The following HS3ST2 variants were observed in gnomAD, a reference collection of about 807,000 sequenced individuals.
HS3ST2 encodes the protein heparan sulfate glucosamine 3-O-sulfotransferase 2.
A neutral mutation model predicts 26.3 loss-of-function variants in HS3ST2; 17 were observed. The observed-to-expected ratio is 0.65, with a 90% CI of 0.44 to 0.97. The LOEUF (loss-of-function observed/expected upper bound fraction) is 0.97, where lower values mean the gene tolerates loss of function less well. HS3ST2 is among the 50% of genes least tolerant of loss of function. HS3ST2 has a pLI of 0.00. For missense variants in HS3ST2, 402 were observed against 501.2 expected (o/e 0.80, Z 1.89); for synonymous variants, 237 against 219.2 (o/e 1.08, Z -0.72).
At position 22,914,163 on chromosome 16, in the gene HS3ST2, C is replaced by A. The variant is rs559517382; in HGVS notation, c.486-781C>A. Reference sequence around the variant, plus strand: ...TCTCTTAAAAAAAAAAAAAGCAATTCTCATTTATCCCTCATCTTCTAATTC... The same window carrying A: ...TCTCTTAAAAAAAAAAAAAGCAATTATCATTTATCCCTCATCTTCTAATTC... On this transcript the variant is annotated intron_variant, in intron 1 of 1. Coordinates refer to ENST00000261374, the MANE Select transcript of HS3ST2 (RefSeq NM_006043.2). Among the ~76,000 whole-genome samples, 198 of 151,866 alleles carry A rather than the reference C, an allele frequency of 1.3e-3. 1 individual carries two copies. Among genetic ancestry groups the A allele is most frequent in the African/African-American group, 4.6e-3 (189 of 41,450 alleles).
At chr16:22,903,237 G>T (rs1902303838) in intron 1 of HS3ST2, among the ~76,000 whole-genome samples, 1 of 152,108 alleles carries the variant, frequency 6.6e-6, no homozygotes, top group African/African-American at 2.4e-5. Flanking sequence ...TTAGTTCTCT[G>T]TGTCCTAGTT....
rs1281100061 is a variant in HS3ST2, at chr16:22,857,006, G to A, written c.485+41911G>A. Reference sequence around the variant, plus strand: ...AATACAATGTACATATAATATATTCGAGGCACTATCCTAGGTGTTTTGTAT... The same window carrying A: ...AATACAATGTACATATAATATATTCAAGGCACTATCCTAGGTGTTTTGTAT... On this transcript the variant is annotated intron_variant, in intron 1 of 1. Transcript: ENST00000261374. Among the ~76,000 whole-genome samples, 4 of 151,986 alleles carry A rather than the reference G, an allele frequency of 2.6e-5. No individual in the cohort carries two copies. In the East Asian group the frequency reaches 7.7e-4, roughly 29 times the overall value.
chr16:22,840,085 A>C (rs147006128), intron 1 of HS3ST2, among the ~76,000 whole-genome samples: 1 of 152,394 alleles, frequency 6.6e-6, no homozygotes, highest in Non-Finnish European at 1.5e-5. Flanking sequence ...GGTGCAAAGC[A>C]CATGCCATCT....
chr16:22,902,452 G>A (rs978564197), intron 1 of HS3ST2, among the ~76,000 whole-genome samples: 2 of 152,178 alleles, frequency 1.3e-5, no homozygotes, highest in Non-Finnish European at 2.9e-5. Flanking sequence ...CCTGCCCTCC[G>A]GGAACAATCT....
chr16:22,822,791 G>T (rs1293319889), intron 1 of HS3ST2, among the ~76,000 whole-genome samples: 2 of 151,648 alleles, frequency 1.3e-5, no homozygotes, highest in Admixed American at 6.6e-5. Context: ...GGAGGCAGGG[G>T]TTGCAGTGAG....
At chr16:22,816,486 C>T (rs74642787) in intron 1 of HS3ST2, among the ~76,000 whole-genome samples, 3 of 152,288 alleles carry the variant, frequency 2.0e-5, no homozygotes, top group East Asian at 3.9e-4. Flanking sequence ...GTTGTGGGGA[C>T]GAGTGGGTCA....
intron 1 of HS3ST2, among the ~76,000 whole-genome samples, chr16:22,838,355 G>A (rs1901301785): frequency 6.6e-6 from 1 of 152,096 alleles, no homozygotes; most frequent in Non-Finnish European, 1.5e-5. Context: ...TATGCCTGGA[G>A]TTGCACCTTT....
In HS3ST2 at chr16:22,827,555, A is replaced by G. The variant is rs2141176988; in HGVS notation, c.485+12460A>G. ...TACACTTTGAAGGGACAGTGGCAGGATTTGCTGATGACTGCATGGGGCAAG... is the reference window on the plus strand; with the variant it reads ...TACACTTTGAAGGGACAGTGGCAGGGTTTGCTGATGACTGCATGGGGCAAG... On this transcript the variant is annotated intron_variant, in intron 1 of 1. Coordinates refer to ENST00000261374, the MANE Select transcript of HS3ST2 (RefSeq NM_006043.2). 2.0e-5 allele frequency among the ~76,000 whole-genome samples: 3 copies of G among 152,142 alleles called. No individual in the cohort carries two copies. The South Asian group carries it at 6.2e-4, about 32-fold the overall frequency.
At chr16:22,818,084 T>C (rs1171326692) in intron 1 of HS3ST2, among the ~76,000 whole-genome samples, 1 of 152,216 alleles carries the variant, frequency 6.6e-6, no homozygotes, top group African/African-American at 2.4e-5. Context: ...TCCAATTTGC[T>C]GTCTTTCTGC....
At chr16:22,867,485 T>A (rs1901773280) in intron 1 of HS3ST2, among the ~76,000 whole-genome samples, 1 of 152,176 alleles carries the variant, frequency 6.6e-6, no homozygotes, top group Admixed American at 6.5e-5. Context: ...GGTGTAGATA[T>A]CCTGAACTTG....
At chr16:22,904,215 G>A (rs1430011218) in intron 1 of HS3ST2, among the ~76,000 whole-genome samples, 3 of 152,154 alleles carry the variant, frequency 2.0e-5, no homozygotes, top group Non-Finnish European at 4.4e-5. Flanking sequence ...AGGGGACCCT[G>A]CCACCTCCTG....
intron 1 of HS3ST2, among the ~76,000 whole-genome samples, chr16:22,856,063 G>A (rs1345862394): frequency 6.6e-6 from 1 of 152,166 alleles, no homozygotes; most frequent in Non-Finnish European, 1.5e-5. Flanking sequence ...TTGGTAGATG[G>A]CACAAATAAT....
chr16:22,909,858 G>A (rs887342858), intron 1 of HS3ST2, among the ~76,000 whole-genome samples: 2 of 152,032 alleles, frequency 1.3e-5, no homozygotes, highest in Non-Finnish European at 2.9e-5. Context: ...TGACCAACCT[G>A]GTGAAACCCT....
intron 1 of HS3ST2, among the ~76,000 whole-genome samples, chr16:22,845,982 A>G (rs1449372577): frequency 6.6e-6 from 1 of 152,170 alleles, no homozygotes; most frequent in East Asian, 1.9e-4. Context: ...TTAATATATT[A>G]TTGTTGGTTA....
At chr16:22,841,865 T>G (rs1014775479) in intron 1 of HS3ST2, among the ~76,000 whole-genome samples, 1 of 152,130 alleles carries the variant, frequency 6.6e-6, no homozygotes, top group Non-Finnish European at 1.5e-5. Flanking sequence ...AATTAATCAT[T>G]TAGCTCAGTA....
chr16:22,914,963 C>G lies in HS3ST2; in HGVS notation c.505C>G (p.Leu169Val). ...DWYRSLMPRT[L>V]ESQITLEKTP... Reference sequence around the variant, plus strand: ...ACACAGGAGCCTGATGCCCAGGACCCTCGAGAGCCAGATCACGCTGGAGAA... The same window carrying G: ...ACACAGGAGCCTGATGCCCAGGACCGTCGAGAGCCAGATCACGCTGGAGAA... Residue 169 changes from leucine to valine, a missense_variant, in exon 2 of 2, where the codon CTC becomes GTC. Physicochemically the swap from Leu to Val is conservative, Grantham distance 32 (BLOSUM62 1). This residue lies in a region of HS3ST2 where 237 missense variants were observed against 346.6 expected (regional missense o/e 0.68). Coordinates refer to ENST00000261374, the MANE Select transcript of HS3ST2 (RefSeq NM_006043.2). 1 of 1,612,726 alleles carries G rather than the reference C, an allele frequency of 6.2e-7. No individual in the cohort carries two copies. Among genetic ancestry groups the G allele is most frequent in the Non-Finnish European group, 8.5e-7 (1 of 1,179,804 alleles).
intron 1 of HS3ST2, among the ~76,000 whole-genome samples, chr16:22,914,522 T>C (rs1902464482): frequency 6.6e-6 from 1 of 151,490 alleles, no homozygotes; most frequent in South Asian, 2.1e-4. Flanking sequence ...CCTGGCAACA[T>C]AATGAGACCC....
At chr16:22,874,844 T>G (rs994107444) in intron 1 of HS3ST2, among the ~76,000 whole-genome samples, 2 of 152,210 alleles carry the variant, frequency 1.3e-5, no homozygotes, top group African/African-American at 4.8e-5. Context: ...CTCCCAGAGC[T>G]GAGTTGATAA....
chr16:22,846,385 T>C (rs983208509), intron 1 of HS3ST2, among the ~76,000 whole-genome samples: 2 of 152,204 alleles, frequency 1.3e-5, no homozygotes, highest in Non-Finnish European at 2.9e-5. Flanking sequence ...AAACCCTTTC[T>C]TTGCTCTCAC....
Sources: gnomAD v4.1 joint callset for allele counts (sites outside exome capture counted in the v4.1 genomes callset) on GRCh38, gnomAD v4.1.1 for gene constraint, gnomAD v4.1.1 regional missense constraint, MANE v1.5 for transcripts, NCBI Gene and HGNC (gene_info 2026-07-23, HGNC 2026-07-21) for gene names.